Variants in WNK2 observed in about 807,000 individuals in gnomAD.
WNK2 encodes WNK lysine deficient protein kinase 2.
Under a neutral mutation model 192.1 loss-of-function variants are expected in WNK2, and 67 were observed. That is an observed-to-expected ratio of 0.35 (90% CI 0.29 to 0.43). The LOEUF (loss-of-function observed/expected upper bound fraction) is 0.43, where lower values mean the gene tolerates loss of function less well. WNK2 is among the 20% of genes least tolerant of loss of function. The pLI, the probability that WNK2 is intolerant of heterozygous loss-of-function variation, is 1.00. For missense variants in WNK2, 2,698 were observed against 3,089.7 expected, an observed-to-expected ratio of 0.87 and a Z score of 3.01; for synonymous variants, 1,439 against 1,393.9, an observed-to-expected ratio of 1.03 and a Z score of -0.72.
At chr9:93,205,877 A>G (rs1340175038) in intron 2 of WNK2, among the ~76,000 whole-genome samples, 2 of 152,020 alleles carry the variant, frequency 1.3e-5, no homozygotes, top group East Asian at 3.9e-4. Context: ...CCTCTGGGCC[A>G]GTGGGTCTCA....
intron 2 of WNK2, among the ~76,000 whole-genome samples, chr9:93,221,483 G>A (rs1164616360): frequency 1.3e-5 from 2 of 152,194 alleles, no homozygotes; most frequent in Non-Finnish European, 2.9e-5. Context: ...CACACCAGAA[G>A]GTGGACAGAA....
At position 93,247,768 on chromosome 9, in the gene WNK2, G is replaced by A. The variant is rs1366436192; in HGVS notation, c.1768G>A (p.Glu590Lys). The A allele has an allele frequency of 7.1e-6, 11 of 1,550,516 alleles. No individual in the cohort carries two copies. The highest frequency in any genetic ancestry group is 3.6e-5 in the South Asian group (3 of 84,116). ...TGGGCAGCCCGGGCCACCAGAGCCC[G>A]AGGAGCCGGAGGCCGACCAGCACCT... is the stretch of plus-strand genomic sequence containing the variant. ...QAGQPGPPEP[E>K]EPEADQHLLP... Residue 590 changes from glutamate to lysine, a missense_variant, in exon 8 of 30, where the codon GAG (glutamate) becomes AAG (lysine). By Grantham distance (56) the Glu-to-Lys change is moderately conservative. Coordinates refer to ENST00000427277, the MANE Select transcript of WNK2 (RefSeq NM_006648.4). This position sits in a 1 kb window ranked among gnomAD's most constrained non-coding sequence, Gnocchi z 5.2.
intron 29 of WNK2, chr9:93,319,372 G>A (rs915994586): frequency 5.0e-5 from 49 of 985,280 alleles, no homozygotes; most frequent in Admixed American, 6.1e-5. Flanking sequence ...GGCTGTCCCC[G>A]GCAGGGGTCT....
chr9:93,240,846 T>C (rs985897359), intron 7 of WNK2, among the ~76,000 whole-genome samples: 1 of 152,200 alleles, frequency 6.6e-6, no homozygotes, highest in Non-Finnish European at 1.5e-5. Flanking sequence ...TTAATTAAAA[T>C]TTAAAATCCA....
Position 93,292,626 on chromosome 9 carries a change from C to T in WNK2, c.5161C>T (p.Leu1721Phe), listed in dbSNP as rs781303125. The T allele has an allele frequency of 1.3e-6, 2 of 1,582,740 alleles. No individual in the cohort carries two copies. Among genetic ancestry groups the T allele is most frequent in the Non-Finnish European group, 1.7e-6 (2 of 1,164,538 alleles). The change falls in exon 23 of 30, where the codon CTC becomes TTC. Residue 1721 changes from leucine to phenylalanine, a missense_variant. Physicochemically the swap from Leu to Phe is conservative, Grantham distance 22. Around this residue, in one of 7 missense-constraint regions of WNK2, gnomAD observed 1,098 missense variants for 1,101.0 expected, o/e 1.00. Coordinates refer to ENST00000427277, the MANE Select transcript of WNK2 (RefSeq NM_006648.4). Reference protein sequence around the residue: ...VGGQASHPQTLGARALGSPRK... With the variant: ...VGGQASHPQTFGARALGSPRK... ...GGGCCAGGCTAGCCACCCCCAGACACTCGGCGCTCGAGCTTTGGGGTCCCC... is the reference window on the plus strand; with the variant it reads ...GGGCCAGGCTAGCCACCCCCAGACATTCGGCGCTCGAGCTTTGGGGTCCCC...
At chr9:93,225,788 A>T (rs1378003375) in intron 2 of WNK2, among the ~76,000 whole-genome samples, 1 of 152,210 alleles carries the variant, frequency 6.6e-6, no homozygotes, top group South Asian at 2.1e-4. Flanking sequence ...GTAAACTGAC[A>T]TGCTGTTTCC....
chr9:93,302,937 G>C (rs1242671350), intron 26 of WNK2, among the ~76,000 whole-genome samples: 1 of 126,238 alleles, frequency 7.9e-6, no homozygotes, highest in African/African-American at 2.8e-5. Context: ...TTTTTTTTTT[G>C]AGACAAAGTC....
chr9:93,263,562 T>C lies in WNK2; in HGVS notation c.3411-4T>C, dbSNP rs1169523314. ...TGCCATTAATGTTCTTGGGTTTTGC[T>C]CAGCTATGGAGGTTCTGATGTCACT... On this transcript the variant is annotated splice_region_variant and splice_polypyrimidine_tract_variant and intron_variant, in intron 14 of 29. Coordinates refer to ENST00000427277, the MANE Select transcript of WNK2 (RefSeq NM_006648.4). 1 of 1,611,314 alleles carries C rather than the reference T, an allele frequency of 6.2e-7. No individual in the cohort carries two copies. The highest frequency in any genetic ancestry group is 1.7e-5 in the Admixed American group (1 of 59,738).
At chr9:93,203,096 C>T (rs1045883998) in intron 2 of WNK2, among the ~76,000 whole-genome samples, 2 of 151,166 alleles carry the variant, frequency 1.3e-5, no homozygotes, top group Non-Finnish European at 3.0e-5. Flanking sequence ...AGTGATGCTT[C>T]TGCTGGAGGG....
chr9:93,210,958 C>G (rs1375726806), intron 2 of WNK2, among the ~76,000 whole-genome samples: 3 of 152,174 alleles, frequency 2.0e-5, no homozygotes, highest in African/African-American at 7.2e-5. Flanking sequence ...TCATATCATT[C>G]ACTCATTCAC....
chr9:93,189,195 C>T (rs10821083), intron 2 of WNK2, among the ~76,000 whole-genome samples: 68,536 of 151,862 alleles, frequency 0.45, 17,117 homozygotes, highest in African/African-American at 0.67. Context: ...ACAACACTGA[C>T]GCCTCCCTGT....
chr9:93,188,778 T>C (rs772771665), intron 2 of WNK2, among the ~76,000 whole-genome samples: 44 of 151,950 alleles, frequency 2.9e-4, no homozygotes, highest in Admixed American at 5.2e-4. Context: ...ACCCTGGGGG[T>C]GCTGATCTGG....
chr9:93,195,280 G>C (rs977239488), intron 2 of WNK2, among the ~76,000 whole-genome samples: 1 of 152,112 alleles, frequency 6.6e-6, no homozygotes, highest in South Asian at 2.1e-4. Context: ...AATAATAGGG[G>C]AACCTGTGTG....
chr9:93,206,229 CA>C (rs946940258), intron 2 of WNK2, among the ~76,000 whole-genome samples: 1 of 152,164 alleles, frequency 6.6e-6, no homozygotes, highest in Non-Finnish European at 1.5e-5. Context: ...TGTAGGGCCC[CA>C]TTTCTTTGGG....
At chr9:93,286,888 T>C (rs867364996) in intron 19 of WNK2, among the ~76,000 whole-genome samples, 76 of 152,328 alleles carry the variant, frequency 5.0e-4, no homozygotes, top group African/African-American at 1.7e-3. Flanking sequence ...CATTATGCTA[T>C]ATGAAATAAG....
chr9:93,249,791 C>CT (rs1175580649), intron 8 of WNK2, among the ~76,000 whole-genome samples: 2 of 151,660 alleles, frequency 1.3e-5, no homozygotes, highest in Non-Finnish European at 2.9e-5. Context: ...AACACTTTTA[C>CT]TTGTTCATTG....
intron 21 of WNK2, 71 bp downstream of exon 21, chr9:93,290,118 T>A: frequency 1.5e-6 from 2 of 1,352,768 alleles, no homozygotes; most frequent in Non-Finnish European, 2.0e-6. Context: ...ACCTTCTGCA[T>A]CCGCACCCTC....
intron 4 of WNK2, among the ~76,000 whole-genome samples, chr9:93,234,207 C>A (rs1839417158): frequency 6.6e-6 from 1 of 152,196 alleles, no homozygotes; most frequent in Non-Finnish European, 1.5e-5. Flanking sequence ...CAGTTCCCAT[C>A]TTAGCAACTC....
At chr9:93,218,356 C>T (rs1836153874) in intron 2 of WNK2, among the ~76,000 whole-genome samples, 1 of 152,190 alleles carries the variant, frequency 6.6e-6, no homozygotes, top group Admixed American at 6.5e-5. Context: ...CGGGAAGTGG[C>T]CATGGGGTGG....
Sources: allele counts gnomAD v4.1 joint callset (sites outside exome capture counted in the v4.1 genomes callset), GRCh38; gene constraint gnomAD v4.1.1; regional missense constraint gnomAD v4.1.1; non-coding constraint Gnocchi (gnomAD v3.1); transcripts MANE v1.5; gene names NCBI Gene and HGNC (gene_info 2026-07-23, HGNC 2026-07-21).